DAPK2: variants seen among roughly 807,000 people sequenced by gnomAD.
DAPK2 encodes the protein death-associated protein kinase 2.
Under a neutral mutation model 44.1 loss-of-function variants are expected in DAPK2, and 35 were observed. The ratio of observed to expected loss-of-function variants is 0.79; its 90% CI spans 0.61 to 1.05. DAPK2 has a LOEUF of 1.05. Among genes scored for constraint, DAPK2 ranks in the 50% least tolerant of loss-of-function variants. The probability of loss-of-function intolerance (pLI) is 0.00; values close to 1 mark genes in which losing one functional copy is unlikely to be tolerated. For synonymous variants in DAPK2, 174 were observed against 182.6 expected (o/e 0.95, Z 0.38); for missense variants, 453 against 483.2 (o/e 0.94, Z 0.59).
intron 1 of DAPK2, among the ~76,000 whole-genome samples, chr15:64,006,770 C>T (rs927114046): frequency 2.0e-5 from 3 of 152,208 alleles, no homozygotes; most frequent in African/African-American, 7.2e-5. Context: ...CTCTTCCCTT[C>T]TCACCCTGCC....
In DAPK2 at chr15:63,990,765, T is replaced by C. The variant is rs2078796553; in HGVS notation, c.93-7011A>G. 6.6e-6 allele frequency among the ~76,000 whole-genome samples: 1 copy of C among 152,144 alleles called. No individual in the cohort carries two copies. Reference sequence around the variant, plus strand: ...ATTACCCTGCGAGGTTTCAGGGCCATAGGGCAGGGATAATGCTTAGGAACT... The same window carrying C: ...ATTACCCTGCGAGGTTTCAGGGCCACAGGGCAGGGATAATGCTTAGGAACT... On this transcript the variant is annotated intron_variant, in intron 1 of 10. Coordinates refer to ENST00000261891, the Ensembl canonical transcript of DAPK2. This position sits in a 1 kb window ranked among gnomAD's most constrained non-coding sequence, Gnocchi z 4.3.
At position 63,912,158 on chromosome 15, in the gene DAPK2, C is replaced by T; in HGVS notation, c.898G>A (p.Val300Met). 1 of 1,614,010 alleles carries T rather than the reference C, an allele frequency of 6.2e-7. No homozygotes were observed. Among genetic ancestry groups the T allele is most frequent in the Non-Finnish European group, 8.5e-7 (1 of 1,180,012 alleles). ...TTCCTGAAGTTCTCCAGATTGACCA[C>T]AGACTCCCTGCGCACCATGGCTTGC... is the stretch of plus-strand genomic sequence containing the variant. Residue 300 changes from valine (V) to methionine (M), a missense_variant, in exon 9 of 11, where the codon GTG becomes ATG. Physicochemically the swap from Val to Met is conservative, Grantham distance 21. Transcript: ENST00000261891. The surrounding 1 kb of genome is among the most constrained non-coding windows in gnomAD (Gnocchi z 4.4).
intron 5 of DAPK2, 180 bp from the exon 7 acceptor site, chr15:63,929,757 T>G (rs761926703): frequency 1.1e-5 from 8 of 747,064 alleles, no homozygotes; most frequent in South Asian, 1.0e-4. Context: ...GGGGTGTGTT[T>G]GGAGTCATCG....
At chr15:63,985,319 G>A (rs934865108) in intron 1 of DAPK2, among the ~76,000 whole-genome samples, 5 of 152,232 alleles carry the variant, frequency 3.3e-5, no homozygotes, top group African/African-American at 1.2e-4. Flanking sequence ...AGGTGGAGTG[G>A]AGCCAGGCCT....
Position 64,004,122 on chromosome 15 carries a change from T to C in DAPK2, c.93-20368A>G, listed in dbSNP as rs75588918. Reference sequence around the variant, plus strand: ...TCTCCCTTCCCAGAGCTCCCCTCCATCCCTCCATTTTTCTCTTTTTCTTAT... The same window carrying C: ...TCTCCCTTCCCAGAGCTCCCCTCCACCCCTCCATTTTTCTCTTTTTCTTAT... On this transcript the variant is annotated intron_variant, in intron 1 of 10. Transcript: ENST00000261891. Among the ~76,000 whole-genome samples, 727 of 152,184 alleles carry C rather than the reference T, an allele frequency of 4.8e-3. 4 individuals are homozygous for C. Among genetic ancestry groups the C allele is most frequent in the African/African-American group, 0.016 (670 of 41,518 alleles).
At position 63,971,468 on chromosome 15, in the gene DAPK2, C is replaced by T. The variant is rs751829648; in HGVS notation, c.408G>A (p.Gly136=). Residue 136 remains glycine (G), a synonymous_variant, in exon 3 of 11, where the codon GGG becomes GGA. Coordinates refer to ENST00000261891, the Ensembl canonical transcript of DAPK2. ...TTTTCTTTGTGTGAAGGTAGTTCAC[C>T]CCATCCAGGATCTGCTTAATGAAGC... 4 of 1,614,010 alleles carry T rather than the reference C, an allele frequency of 2.5e-6. No individual in the cohort carries two copies. The African/African-American group carries it at 5.3e-5, about 22-fold the overall frequency.
At position 63,923,197 on chromosome 15, in the gene DAPK2, C is replaced by T; in HGVS notation, c.858+1619G>A. ...GGTCGACCCGAGCCACGTCTTCCACCACACAGGCAAAACGCTCGAAGTTGA... is the reference window on the plus strand; with the variant it reads ...GGTCGACCCGAGCCACGTCTTCCACTACACAGGCAAAACGCTCGAAGTTGA... On this transcript the variant is annotated intron_variant, in intron 8 of 10. Coordinates refer to ENST00000261891, the Ensembl canonical transcript of DAPK2. This position sits in a 1 kb window ranked among gnomAD's most constrained non-coding sequence, Gnocchi z 4.2. The T allele has an allele frequency of 6.5e-7, 1 of 1,535,914 alleles. No homozygotes were observed. Among genetic ancestry groups the T allele is most frequent in the Non-Finnish European group, 8.7e-7 (1 of 1,146,744 alleles).
chr15:63,962,074 C>G (rs573184924), intron 3 of DAPK2, among the ~76,000 whole-genome samples: 1 of 152,260 alleles, frequency 6.6e-6, no homozygotes, highest in East Asian at 1.9e-4. Context: ...CTTCTCTTCT[C>G]ACTTCATTTC....
At chr15:63,955,597 C>G (rs1190425423) in intron 3 of DAPK2, among the ~76,000 whole-genome samples, 1 of 152,094 alleles carries the variant, frequency 6.6e-6, no homozygotes, top group Non-Finnish European at 1.5e-5. Context: ...GAGACAGGGT[C>G]TCACTCTGTC....
intron 1 of DAPK2, among the ~76,000 whole-genome samples, chr15:64,009,055 C>T (rs1483636229): frequency 1.3e-5 from 2 of 152,098 alleles, no homozygotes; most frequent in African/African-American, 4.8e-5. Flanking sequence ...GGACATGAGG[C>T]CCTCCTCTAT....
At chr15:63,938,800 G>A (rs946591845) in intron 4 of DAPK2, among the ~76,000 whole-genome samples, 3 of 152,214 alleles carry the variant, frequency 2.0e-5, no homozygotes, top group African/African-American at 4.8e-5. Flanking sequence ...GAGGAGAGGC[G>A]AGTGGGTGGA....
intron 1 of DAPK2, among the ~76,000 whole-genome samples, chr15:63,994,110 A>G (rs2078885423): frequency 6.6e-6 from 1 of 152,184 alleles, no homozygotes; most frequent in Admixed American, 6.5e-5. Context: ...GTATTTCTAT[A>G]AGAAATGACC....
At chr15:63,972,607 C>T (rs767629955) in intron 2 of DAPK2, among the ~76,000 whole-genome samples, 8 of 152,086 alleles carry the variant, frequency 5.3e-5, no homozygotes, top group Non-Finnish European at 1.0e-4. Context: ...TGTGTGTGTG[C>T]CCTAGTGTTT....
chr15:64,007,174 T>C (rs763553202), intron 1 of DAPK2, among the ~76,000 whole-genome samples: 51 of 152,196 alleles, frequency 3.4e-4, no homozygotes, highest in Non-Finnish European at 6.8e-4. Flanking sequence ...TATGTCATCC[T>C]GGCTGGTCCT....
chr15:63,986,638 G>A (rs1379200270), intron 1 of DAPK2, among the ~76,000 whole-genome samples: 2 of 152,108 alleles, frequency 1.3e-5, no homozygotes, highest in African/African-American at 4.8e-5. Context: ...TGATTCCCAC[G>A]CACAGCCAGA....
chr15:64,015,408 G>C (rs1038533642), intron 1 of DAPK2, among the ~76,000 whole-genome samples: 1 of 152,212 alleles, frequency 6.6e-6, no homozygotes, highest in Non-Finnish European at 1.5e-5. Flanking sequence ...GCTATAGGCA[G>C]AGTAGAGGCA....
chr15:64,042,938 A>C (rs2080382237), upstream of DAPK2, among the ~76,000 whole-genome samples: 1 of 152,200 alleles, frequency 6.6e-6, no homozygotes, highest in Admixed American at 6.5e-5. The surrounding 1 kb of genome is among the most constrained non-coding windows in gnomAD (Gnocchi z 4.7). Context: ...AAGTTCTCCC[A>C]GAGTGCTCTT....
chr15:64,042,779 G>A (rs881232), upstream of DAPK2, among the ~76,000 whole-genome samples: 29,968 of 152,158 alleles, frequency 0.2, 3,046 homozygotes, highest in South Asian at 0.25. The surrounding 1 kb of genome is among the most constrained non-coding windows in gnomAD (Gnocchi z 4.7). Context: ...GGCTGAAGTG[G>A]GGCCCTTGCC....
At position 63,923,231 on chromosome 15, in the gene DAPK2, T is replaced by G. The variant is rs1264298951; in HGVS notation, c.858+1585A>C. On this transcript the variant is annotated intron_variant, in intron 8 of 10. Transcript: ENST00000261891. This position sits in a 1 kb window ranked among gnomAD's most constrained non-coding sequence, Gnocchi z 4.2. The stretch of plus-strand genomic sequence containing the variant: ...AAAACGCTCGAAGTTGACATAGGAG[T>G]TGTTGGGAGGCATGCTTGAGTGGCA... 5.9e-6 allele frequency: 9 copies of G among 1,535,324 alleles called. No individual in the cohort carries two copies. The highest frequency in any genetic ancestry group is 8.7e-7 in the Non-Finnish European group (1 of 1,146,596).
Sources: gnomAD v4.1 joint callset for allele counts (sites outside exome capture counted in the v4.1 genomes callset) on GRCh38, gnomAD v4.1.1 for gene constraint, Gnocchi (gnomAD v3.1) non-coding constraint, MANE v1.5 for transcripts, NCBI Gene and HGNC (gene_info 2026-07-23, HGNC 2026-07-21) for gene names.